Variants in CSMD1 observed in about 807,000 individuals in gnomAD.
The protein encoded by CSMD1 is CUB and Sushi multiple domains 1, also known as CUB and sushi domain-containing protein 1.
CSMD1 carries 213 observed loss-of-function variants against 417.5 expected under a neutral mutation model. The observed-to-expected ratio is 0.51, with a 90% confidence interval of 0.46 to 0.57. The LOEUF (loss-of-function observed/expected upper bound fraction) is 0.57, where lower values mean the gene tolerates loss of function less well. Among genes scored for constraint, CSMD1 ranks in the 20% least tolerant of loss-of-function variants. The pLI, the probability that CSMD1 is intolerant of heterozygous loss-of-function variation, is 0.00. For missense variants in CSMD1, 6,923 were observed against 4,529.7 expected (o/e 1.53, Z -15.17); for synonymous variants, 2,862 against 1,736.8 (o/e 1.65, Z -16.11).
At chr8:4,034,317 A>G (rs923456289) in intron 3 of CSMD1, among the ~76,000 whole-genome samples, 2 of 152,210 alleles carry the variant, frequency 1.3e-5, no homozygotes, top group South Asian at 2.1e-4. Flanking sequence ...TGAGATCTCT[A>G]TTTACATAGT....
chr8:4,169,827 T>G (rs939979938), intron 3 of CSMD1, among the ~76,000 whole-genome samples: 1 of 152,130 alleles, frequency 6.6e-6, no homozygotes, highest in African/African-American at 2.4e-5. Context: ...TGTCTGCCCT[T>G]CCTGAATTAT....
At chr8:4,257,038 A>G (rs2128836817) in intron 3 of CSMD1, among the ~76,000 whole-genome samples, 1 of 152,282 alleles carries the variant, frequency 6.6e-6, no homozygotes, top group Middle Eastern at 3.4e-3. Flanking sequence ...CCATCTAGGA[A>G]AAGTGCCTGT....
At chr8:4,659,978 T>A (rs1168190527) in intron 1 of CSMD1, among the ~76,000 whole-genome samples, 1 of 151,926 alleles carries the variant, frequency 6.6e-6, no homozygotes, top group African/African-American at 2.4e-5. Context: ...TTCCTCAAAT[T>A]GGTAAGGAGT....
intron 10 of CSMD1, among the ~76,000 whole-genome samples, chr8:3,542,348 T>C (rs1288731262): frequency 1.3e-5 from 2 of 152,230 alleles, no homozygotes; most frequent in Non-Finnish European, 2.9e-5. Flanking sequence ...GAATCTTCAA[T>C]TCTGAAGATA....
chr8:3,682,459 C>T (rs1477741323), intron 7 of CSMD1, among the ~76,000 whole-genome samples: 1 of 152,144 alleles, frequency 6.6e-6, no homozygotes, highest in Non-Finnish European at 1.5e-5. Context: ...CATCACCGGC[C>T]ATCAGAGAAA....
chr8:3,678,841 A>C (rs917243436), intron 7 of CSMD1, among the ~76,000 whole-genome samples: 2 of 152,212 alleles, frequency 1.3e-5, no homozygotes, highest in African/African-American at 4.8e-5. Flanking sequence ...CTGATCTCTC[A>C]GCAGAAAGTC....
chr8:4,923,265 A>G (rs7012286), intron 1 of CSMD1, among the ~76,000 whole-genome samples: 1 of 151,706 alleles, frequency 6.6e-6, no homozygotes, highest in Non-Finnish European at 1.5e-5. Context: ...TACCCTTCAC[A>G]CTTGACTCAC....
At chr8:4,723,810 A>AAC (rs1491188008) in intron 1 of CSMD1, among the ~76,000 whole-genome samples, 2 of 151,002 alleles carry the variant, frequency 1.3e-5, no homozygotes. Context: ...ACAAAAAAAA[A>AAC]ACAAAACAAA....
intron 5 of CSMD1, among the ~76,000 whole-genome samples, chr8:3,983,845 G>A (rs1814096981): frequency 6.6e-6 from 1 of 151,176 alleles, no homozygotes; most frequent in Admixed American, 6.6e-5. Flanking sequence ...CTGGCCGGCT[G>A]TCAATTGCAA....
chr8:3,743,091 G>A lies in CSMD1; in HGVS notation c.931+10839C>T, dbSNP rs115058545. Among the ~76,000 whole-genome samples the A allele has an allele frequency of 7.0e-3, 1,067 of 152,278 alleles. 12 individuals are homozygous for A. Among genetic ancestry groups the A allele is most frequent in the Middle Eastern group, 0.034 (10 of 292 alleles). On this transcript the variant is annotated intron_variant, in intron 6 of 69. Coordinates refer to ENST00000635120, the MANE Select transcript of CSMD1 (RefSeq NM_033225.6). Reference sequence around the variant, plus strand: ...CTGTGCTTAGCTCCATCTCACTGCTGGATAAACAAACCTTTAAAGGAACTG... The same window carrying A: ...CTGTGCTTAGCTCCATCTCACTGCTAGATAAACAAACCTTTAAAGGAACTG...
intron 18 of CSMD1, among the ~76,000 whole-genome samples, chr8:3,381,568 A>T (rs1186566510): frequency 6.6e-6 from 1 of 152,206 alleles, no homozygotes; most frequent in Non-Finnish European, 1.5e-5. Context: ...TAGAACCCAA[A>T]AATATGACAA....
intron 4 of CSMD1, among the ~76,000 whole-genome samples, chr8:4,016,885 A>G (rs143926978): frequency 1.3e-5 from 2 of 152,284 alleles, no homozygotes; most frequent in African/African-American, 2.4e-5. Context: ...ATGGTTCACA[A>G]TCCTGAAAAA....
At chr8:4,368,710 A>G (rs1173854926) in intron 3 of CSMD1, among the ~76,000 whole-genome samples, 2 of 152,184 alleles carry the variant, frequency 1.3e-5, no homozygotes, top group East Asian at 1.9e-4. Flanking sequence ...GTGTATTTCT[A>G]GGAATTTATC....
chr8:3,160,960 T>G (rs1819853508), intron 38 of CSMD1, among the ~76,000 whole-genome samples: 5 of 152,242 alleles, frequency 3.3e-5, no homozygotes. Context: ...GTGCTGTTAT[T>G]TCACGGCTGT....
intron 3 of CSMD1, among the ~76,000 whole-genome samples, chr8:4,273,200 A>G (rs1422867031): frequency 1.3e-5 from 2 of 152,150 alleles, no homozygotes; most frequent in Non-Finnish European, 2.9e-5. Flanking sequence ...TAAGAAGAAT[A>G]TACACTTGAA....
chr8:3,220,615 G>C (rs1798152388), intron 28 of CSMD1, among the ~76,000 whole-genome samples: 1 of 152,122 alleles, frequency 6.6e-6, no homozygotes, highest in Admixed American at 6.5e-5. Context: ...GGCAGATCAC[G>C]AGGTCAGGAG....
chr8:4,101,999 G>A (rs759517295), intron 3 of CSMD1, among the ~76,000 whole-genome samples: 10 of 152,182 alleles, frequency 6.6e-5, no homozygotes, highest in Non-Finnish European at 1.3e-4. Flanking sequence ...TGGGGACCCG[G>A]CAATAGCTGA....
intron 10 of CSMD1, among the ~76,000 whole-genome samples, chr8:3,502,699 G>C (rs943431020): frequency 6.6e-6 from 1 of 152,218 alleles, no homozygotes; most frequent in African/African-American, 2.4e-5. Flanking sequence ...TGATTGTTAG[G>C]GGTTAGAAGA....
intron 54 of CSMD1, among the ~76,000 whole-genome samples, chr8:2,983,458 T>A (rs912579311): frequency 5.9e-5 from 9 of 152,210 alleles, no homozygotes; most frequent in African/African-American, 2.2e-4. Context: ...AGTGCCGGGA[T>A]TGCAGGTGTG....
Sources: allele counts gnomAD v4.1 joint callset (sites outside exome capture counted in the v4.1 genomes callset), GRCh38; gene constraint gnomAD v4.1.1; transcripts MANE v1.5; gene names NCBI Gene and HGNC (gene_info 2026-07-23, HGNC 2026-07-21).